Variants in TMEFF2 observed in about 807,000 individuals in gnomAD.
TMEFF2 encodes the protein transmembrane protein with EGF like and two follistatin like domains 2.
TMEFF2 carries 28 observed loss-of-function variants against 53.8 expected under a neutral mutation model. The observed-to-expected ratio is 0.52, with a 90% CI of 0.39 to 0.71. The LOEUF (loss-of-function observed/expected upper bound fraction) is 0.71. Among genes scored for constraint, TMEFF2 ranks in the 30% least tolerant of loss-of-function variants. The probability of loss-of-function intolerance (pLI) is 0.00; values close to 1 mark genes in which losing one functional copy is unlikely to be tolerated. For missense variants in TMEFF2, 353 were observed against 455.2 expected, an observed-to-expected ratio of 0.78 and a Z score of 2.04; for synonymous variants, 162 against 166.3, an observed-to-expected ratio of 0.97 and a Z score of 0.20.
intron 7 of TMEFF2, among the ~76,000 whole-genome samples, chr2:191,965,868 G>A (rs1383159568): frequency 1.3e-5 from 2 of 151,886 alleles, no homozygotes; most frequent in African/African-American, 4.8e-5. Flanking sequence ...CTGCCCCTCT[G>A]ACCTAAAACC....
At chr2:192,005,575 T>G (rs534928772) in intron 5 of TMEFF2, among the ~76,000 whole-genome samples, 155 of 152,332 alleles carry the variant, frequency 1.0e-3, no homozygotes, top group African/African-American at 3.6e-3. Flanking sequence ...TATTCCTAGT[T>G]AGTTTCAAAG....
chr2:191,972,749 A>T (rs1559067443), intron 7 of TMEFF2, among the ~76,000 whole-genome samples: 1 of 152,284 alleles, frequency 6.6e-6, no homozygotes, highest in East Asian at 1.9e-4. Context: ...TTTTTGGCTA[A>T]AACATCTTGG....
intron 4 of TMEFF2, among the ~76,000 whole-genome samples, chr2:192,069,938 T>A (rs1399184418): frequency 7.6e-6 from 1 of 131,314 alleles, no homozygotes; most frequent in Non-Finnish European, 1.7e-5. Flanking sequence ...TTAATCAATT[T>A]CCCTGTTTTT....
chr2:192,071,576 G>C (rs1348685142), intron 4 of TMEFF2, among the ~76,000 whole-genome samples: 1 of 151,790 alleles, frequency 6.6e-6, no homozygotes, highest in East Asian at 1.9e-4. Flanking sequence ...GTGTCTGCGA[G>C]GGATTAGTTC....
chr2:192,008,351 C>T (rs1040573764), intron 5 of TMEFF2, among the ~76,000 whole-genome samples: 9 of 152,226 alleles, frequency 5.9e-5, no homozygotes, highest in Admixed American at 2.0e-4. Flanking sequence ...GGATTTAATT[C>T]TCCATCCATT....
At chr2:192,087,293 T>C (rs1267788855) in intron 4 of TMEFF2, among the ~76,000 whole-genome samples, 3 of 152,038 alleles carry the variant, frequency 2.0e-5, no homozygotes, top group Non-Finnish European at 2.9e-5. Context: ...AAAAACAGCC[T>C]ACAATTTAAT....
At chr2:192,058,150 T>C (rs1359057239) in intron 4 of TMEFF2, among the ~76,000 whole-genome samples, 4 of 152,194 alleles carry the variant, frequency 2.6e-5, no homozygotes. Flanking sequence ...GAAACATATT[T>C]AGCATTTTCT....
At chr2:191,989,978 C>T (rs553086379) in intron 7 of TMEFF2, among the ~76,000 whole-genome samples, 1 of 152,194 alleles carries the variant, frequency 6.6e-6, no homozygotes, top group East Asian at 1.9e-4. Context: ...TATATTCTAC[C>T]CTCCTCCCCT....
rs1216056507 is a variant in TMEFF2, at chr2:192,093,878, CAA to C, written c.440-36105_440-36104del. 2.0e-5 allele frequency among the ~76,000 whole-genome samples: 3 copies of C among 151,180 alleles called. No homozygotes were observed. The East Asian group carries it at 5.9e-4, about 29-fold the overall frequency. On this transcript the variant is annotated intron_variant, in intron 4 of 9. Transcript: ENST00000272771. ...ACAGTAAGAAGACAAGACTAGAAAT[CAA>C]AAGAAAAAAAAGCGAAGTGAAAGGA...
intron 7 of TMEFF2, among the ~76,000 whole-genome samples, chr2:191,988,870 A>G (rs981273925): frequency 2.6e-5 from 4 of 152,172 alleles, no homozygotes; most frequent in African/African-American, 9.7e-5. Flanking sequence ...TCAAACATTG[A>G]TAATGCATCA....
At chr2:191,999,488 C>T (rs547934974) in intron 5 of TMEFF2, among the ~76,000 whole-genome samples, 27 of 152,072 alleles carry the variant, frequency 1.8e-4, no homozygotes, top group Non-Finnish European at 3.5e-4. Context: ...AAAACATGTA[C>T]ATAAATTTCC....
chr2:192,052,643 T>C (rs1687800204), intron 5 of TMEFF2, among the ~76,000 whole-genome samples: 1 of 152,328 alleles, frequency 6.6e-6, no homozygotes, highest in South Asian at 2.1e-4. Flanking sequence ...AAGCCATTCT[T>C]CTTCTTTATA....
rs1326282163 is a variant in TMEFF2, at chr2:192,191,247, A to G, written c.282+633T>C. The stretch of plus-strand genomic sequence containing the variant: ...TCTTTGTTAGTTAAAAGAAATTAAC[A>G]CAAGAAAAAGTACATTTCCTGATGT... On this transcript the variant is annotated intron_variant, in intron 2 of 9. Coordinates refer to ENST00000272771, the MANE Select transcript of TMEFF2 (RefSeq NM_016192.4). Among the ~76,000 whole-genome samples the G allele has an allele frequency of 2.6e-5, 4 of 152,332 alleles. No homozygotes were observed. In the East Asian group the frequency reaches 7.7e-4, roughly 29 times the overall value.
chr2:191,998,367 A>G (rs773991260), intron 6 of TMEFF2, 46 bp from the exon 7 acceptor site: 2 of 1,321,176 alleles, frequency 1.5e-6, no homozygotes, highest in Non-Finnish European at 2.1e-6. Context: ...TGCTTCCTAA[A>G]TATCTAATAT....
intron 4 of TMEFF2, among the ~76,000 whole-genome samples, chr2:192,155,786 G>A (rs1357208323): frequency 6.6e-6 from 1 of 151,882 alleles, no homozygotes; most frequent in South Asian, 2.1e-4. Context: ...GCAGAGGCCT[G>A]GTTTTATTTA....
chr2:192,166,762 A>C (rs1367009033), intron 4 of TMEFF2, among the ~76,000 whole-genome samples: 2 of 152,198 alleles, frequency 1.3e-5, no homozygotes, highest in Non-Finnish European at 1.5e-5. Context: ...AGTGTGTATC[A>C]TAGATGACTA....
chr2:192,174,371 C>G (rs78845890), intron 4 of TMEFF2, among the ~76,000 whole-genome samples: 15,350 of 151,666 alleles, frequency 0.1, 828 homozygotes, highest in South Asian at 0.13. Flanking sequence ...AACAAAGGTC[C>G]CTTTCTCCTC....
rs1689230926 is a variant in TMEFF2, at chr2:192,109,665, A to G, written c.440-51890T>C. Among the ~76,000 whole-genome samples the G allele has an allele frequency of 2.6e-5, 4 of 152,098 alleles. 1 individual carries two copies. Among genetic ancestry groups the G allele is most frequent in the Admixed American group, 1.3e-4 (2 of 15,240 alleles). ...GGTGGGGAGGTAGAGGAAGGGGCAA[A>G]TATTGAAACAACCATTTGTTTTCTG... On this transcript the variant is annotated intron_variant, in intron 4 of 9. Transcript: ENST00000272771.
intron 4 of TMEFF2, chr2:192,178,764 C>G (rs1449549802): frequency 1.3e-5 from 2 of 151,196 alleles, no homozygotes; most frequent in Non-Finnish European, 3.0e-5. Context: ...TTATCAAATT[C>G]TGTATTTAAA....
Sources: allele counts gnomAD v4.1 joint callset (sites outside exome capture counted in the v4.1 genomes callset), GRCh38; gene constraint gnomAD v4.1.1; transcripts MANE v1.5; gene names NCBI Gene and HGNC (gene_info 2026-07-23, HGNC 2026-07-21).